The following RMP24 variants were observed in gnomAD, a reference collection of about 807,000 sequenced individuals.
RMP24 encodes ribonuclease MRP protein subunit p24.
the RMP24 span, chr18:35,977,266 A>G: frequency 3.0e-6 from 2 of 665,940 alleles, no homozygotes; most frequent in Non-Finnish European, 4.7e-6. Context: ...CTAGATTGCA[A>G]GTTCCCCAAG....
the RMP24 span, among the ~76,000 whole-genome samples, chr18:35,974,292 T>G: frequency 6.6e-6 from 1 of 152,250 alleles, no homozygotes; most frequent in Non-Finnish European, 1.5e-5. Flanking sequence ...CGTTGTTATA[T>G]TTATTGTATG....
At chr18:35,972,699 CGCGGCGAGCCAGCGGCAGCGGCG>C in the RMP24 span, 1 of 1,587,828 alleles carries the variant, frequency 6.3e-7, no homozygotes, top group South Asian at 1.1e-5. Flanking sequence ...ACCTGGTTCC[CGCGGCGAGCCAGCGGCAGCGGCG>C]GCGGCGATGA....
At chr18:35,979,170 C>T in the RMP24 span, 1 of 624,452 alleles carries the variant, frequency 1.6e-6, no homozygotes, top group Non-Finnish European at 2.7e-6. Flanking sequence ...CTGAAACCTG[C>T]CTACCTCATA....
At chr18:35,979,258 A>G in the RMP24 span, 2 of 254,406 alleles carry the variant, frequency 7.9e-6, no homozygotes, top group African/African-American at 4.5e-5. Flanking sequence ...GTATGTATAT[A>G]AAGATAGATA....
At chr18:35,977,375 A>C in the RMP24 span, 1 of 1,570,586 alleles carries the variant, frequency 6.4e-7, no homozygotes, top group Non-Finnish European at 8.7e-7. Context: ...TTATAAGATA[A>C]ATGACGGGAC....
the RMP24 span, chr18:35,974,784 A>T: frequency 2.1e-6 from 2 of 961,750 alleles, no homozygotes; most frequent in Non-Finnish European, 3.1e-6. Flanking sequence ...GAGTTTACTT[A>T]ATGTGTATCT....
the RMP24 span, chr18:35,977,477 C>A: frequency 6.2e-7 from 1 of 1,614,084 alleles, no homozygotes; most frequent in Non-Finnish European, 8.5e-7. Flanking sequence ...TTTGTGTCAA[C>A]ATTGAAGAGC....
At chr18:35,974,978 C>G in the RMP24 span, 1 of 1,614,094 alleles carries the variant, frequency 6.2e-7, no homozygotes, top group Non-Finnish European at 8.5e-7. Context: ...GTCTCAAACC[C>G]AAAGCCAGGT....
the RMP24 span, chr18:35,977,648 T>A: frequency 1.3e-6 from 2 of 1,563,580 alleles, no homozygotes; most frequent in Non-Finnish European, 1.7e-6. Flanking sequence ...AAGTGTTTTC[T>A]TCTAATTTCC....
the RMP24 span, among the ~76,000 whole-genome samples, chr18:35,976,173 G>A: frequency 3.5e-5 from 4 of 114,260 alleles, no homozygotes; most frequent in South Asian, 8.6e-4. Context: ...TTTTTGAGAC[G>A]GAGTCTCCCT....
At chr18:35,972,947 C>T in the RMP24 span, 2 of 1,612,702 alleles carry the variant, frequency 1.2e-6, no homozygotes, top group South Asian at 2.2e-5. Context: ...GGGCTCTTGT[C>T]GCCCCGCTTT....
the RMP24 span, among the ~76,000 whole-genome samples, chr18:35,974,107 TG>T: frequency 6.6e-6 from 1 of 152,224 alleles, no homozygotes. Flanking sequence ...TCACTCTGCC[TG>T]GGATTCTTGC....
chr18:35,978,905 T>C, the RMP24 span: 5 of 1,613,384 alleles, frequency 3.1e-6, no homozygotes, highest in Non-Finnish European at 4.2e-6. Flanking sequence ...GAAACACTTC[T>C]CTCAACTAAA....
chr18:35,974,090 G>C, the RMP24 span, among the ~76,000 whole-genome samples: 39,532 of 152,016 alleles, frequency 0.26, 5,458 homozygotes, highest in African/African-American at 0.36. Flanking sequence ...GCCTTTGCAG[G>C]TACTCTTCAC....
chr18:35,978,472 G>A, the RMP24 span, among the ~76,000 whole-genome samples: 26 of 152,208 alleles, frequency 1.7e-4, no homozygotes, highest in South Asian at 8.3e-4. Flanking sequence ...TTAGCCAGGC[G>A]TAGCGGCGTG....
the RMP24 span, among the ~76,000 whole-genome samples, chr18:35,975,591 G>A: frequency 1.3e-5 from 2 of 152,152 alleles, no homozygotes; most frequent in South Asian, 4.1e-4. Flanking sequence ...TCTATCATAT[G>A]CCAAGCAACA....
At chr18:35,973,028 GC>G in the RMP24 span, 1 of 1,292,330 alleles carries the variant, frequency 7.7e-7, no homozygotes, top group East Asian at 2.4e-5. Flanking sequence ...CAACAACAAA[GC>G]CCGCATGTGT....
At chr18:35,975,083 C>G in the RMP24 span, 1 of 1,612,364 alleles carries the variant, frequency 6.2e-7, no homozygotes, top group Non-Finnish European at 8.5e-7. Flanking sequence ...TCAAAGACTC[C>G]AAAAGTGTAT....
chr18:35,978,852 A>G, the RMP24 span: 1 of 1,599,462 alleles, frequency 6.3e-7, no homozygotes. Flanking sequence ...ACATCTGGAC[A>G]GTCAGTATCT....
Sources: gnomAD v4.1 joint callset for allele counts (sites outside exome capture counted in the v4.1 genomes callset) on GRCh38, gnomAD v4.1.1 for gene constraint, MANE v1.5 for transcripts, NCBI Gene and HGNC (gene_info 2026-07-23, HGNC 2026-07-21) for gene names.